JSRP1: variants seen among roughly 807,000 people sequenced by gnomAD.
JSRP1 encodes 2310032K21Rik.
JSRP1 carries 29 observed loss-of-function variants against 21.4 expected under a neutral mutation model. That is an observed-to-expected ratio of 1.36 (90% confidence interval 1.01 to 1.85). The LOEUF (loss-of-function observed/expected upper bound fraction) is 1.85. Ranked by LOEUF, JSRP1 falls within the 40% of genes most tolerant of loss-of-function variation. The pLI is 0.00. For missense variants in JSRP1, 531 were observed against 461.5 expected, an observed-to-expected ratio of 1.15 and a Z score of -1.38; for synonymous variants, 221 against 206.1, an observed-to-expected ratio of 1.07 and a Z score of -0.62.
chr19:2,254,056 C>T, intron 4 of JSRP1, 131 bp downstream of exon 4: 1 of 770,324 alleles, frequency 1.3e-6, no homozygotes, highest in Non-Finnish European at 2.1e-6. Flanking sequence ...CGTTGACTCG[C>T]TGCCTGCCAC....
chr19:2,254,049 T>G lies in JSRP1; in HGVS notation c.262+138A>C, dbSNP rs1356594743. 9 of 753,204 alleles carry G rather than the reference T, an allele frequency of 1.2e-5. No homozygotes were observed. In the East Asian group the frequency reaches 2.3e-4, roughly 20 times the overall value. 46.7% of individuals were successfully genotyped at this position (753,204 alleles called of 1,614,324 possible). A position where few individuals can be genotyped will look rare whatever the true frequency, so the allele number is the denominator to read the frequency against. ...GCATTAGTAGAGGCTCCCTGCCCGT[T>G]GACTCGCTGCCTGCCACACTTCGAC... On this transcript the variant is annotated intron_variant, in intron 4 of 6. Coordinates refer to ENST00000300961, the MANE Select transcript of JSRP1 (RefSeq NM_144616.4).
Position 2,252,558 on chromosome 19 carries a change from G to A in JSRP1, c.767C>T (p.Pro256Leu), listed in dbSNP as rs147828162. 3.1e-6 allele frequency: 5 copies of A among 1,612,814 alleles called. No individual in the cohort carries two copies. The highest frequency in any genetic ancestry group is 4.5e-5 in the East Asian group (2 of 44,860). Residue 256 changes from proline (P) to leucine (L), a missense_variant, in exon 7 of 7, where the codon CCT becomes CTT. Physicochemically the swap from Pro to Leu is moderately conservative, Grantham distance 98. Transcript: ENST00000300961. ...RKEKPRKEERPKKERPRKEER... is the reference protein window; with the variant it reads ...RKEKPRKEERLKKERPRKEER... ...CTCTTTCCGCGGCCTCTCTTTCTTA[G>A]GTCTCTCCTCCTTCCGCGGCTTCTC...
rs768220638 is a variant in JSRP1, at chr19:2,254,216, G to C, written c.233C>G (p.Thr78Arg). ...TCCGGCTTTCAGCCTCTCCTTCCCC[G>C]TTCCTGGGGTCCCCCTGGCGGCAGG... The part of the protein sequence containing the change: ...KEPAARGTPG[T>R]GKERLKAGAS... Residue 78 changes from threonine to arginine, a missense_variant, in exon 4 of 7, where the codon ACG (threonine) becomes AGG (arginine). Transcript: ENST00000300961. 2.5e-6 allele frequency: 4 copies of C among 1,606,192 alleles called. No homozygotes were observed. The African/African-American group carries it at 5.4e-5, about 22-fold the overall frequency.
rs2025075580 is a variant in JSRP1, at chr19:2,252,662, C to T, written c.663G>A (p.Glu221=). 1 of 1,612,150 alleles carries T rather than the reference C, an allele frequency of 6.2e-7. No individual in the cohort carries two copies. Among genetic ancestry groups the T allele is most frequent in the Admixed American group, 1.7e-5 (1 of 60,012 alleles). Residue 221 remains glutamate (E), a synonymous_variant, in exon 7 of 7, where the codon GAG becomes GAA. Coordinates refer to ENST00000300961, the MANE Select transcript of JSRP1 (RefSeq NM_144616.4). ...GGGTCACACGGTCCTCCCGGACGGC[C>T]TCTCCGGTGGCCTCGCCGGGCTCCT... ...DEEEPGEATG[E]AVREDRVTLA...
chr19:2,254,338 C>T (rs752830193), intron 3 of JSRP1, 37 bp from the exon 4 acceptor site: 2 of 1,595,226 alleles, frequency 1.3e-6, no homozygotes, highest in African/African-American at 2.7e-5. Flanking sequence ...TGTTTCCTTC[C>T]AGTGCCAAAC....
At chr19:2,254,614 C>A in intron 2 of JSRP1, 132 bp from the exon 3 acceptor site, 1 of 940,442 alleles carries the variant, frequency 1.1e-6, no homozygotes. Flanking sequence ...GAGGCCAGCA[C>A]AGTGGTTCAC....
Position 2,256,402 on chromosome 19 carries a change from G to C in JSRP1, c.-50C>G, listed in dbSNP as rs1045745661. On this transcript the variant is annotated 5_prime_UTR_variant, in exon 1 of 7. Transcript: ENST00000300961. ...GCTTACCCGCCAGCCGCTTTGCTGA[G>C]CCTTGTGGACAGGACGGAGGATGGG... is the stretch of plus-strand genomic sequence containing the variant. The C allele has an allele frequency of 6.6e-6, 1 of 152,432 alleles. No individual in the cohort carries two copies. The highest frequency in any genetic ancestry group is 1.5e-5 in the Non-Finnish European group (1 of 68,174). The allele number at this position is 152,432 out of a possible 1,614,324, so 9.4% of individuals were successfully genotyped here. A position where few individuals can be genotyped will look rare whatever the true frequency, so the allele number is the denominator to read the frequency against.
rs1204201215 is a variant in JSRP1 at position 2,253,798 on chromosome 19, G to C, written c.263-5C>G. On this transcript the variant is annotated splice_region_variant and splice_polypyrimidine_tract_variant and intron_variant, in intron 4 of 6. Coordinates refer to ENST00000300961, the MANE Select transcript of JSRP1 (RefSeq NM_144616.4). The stretch of plus-strand genomic sequence containing the variant: ...GCGCGGGGACGCTCCGAGGGCCTGC[G>C]GGGGCAAGTGCGCGCTGCGCTGTGG... The C allele has an allele frequency of 3.4e-5, 47 of 1,383,424 alleles. No homozygotes were observed. Among genetic ancestry groups the C allele is most frequent in the Non-Finnish European group, 4.1e-5 (44 of 1,080,378 alleles). 85.7% of individuals were successfully genotyped at this position (1,383,424 alleles called of 1,614,324 possible). A position where few individuals can be genotyped will look rare whatever the true frequency, so the allele number is the denominator to read the frequency against.
rs1403991688 is a variant in JSRP1 at position 2,252,685 on chromosome 19, C to T, written c.640G>A (p.Glu214Lys). Residue 214 changes from glutamate (E) to lysine (K), a missense_variant, in exon 7 of 7, where the codon GAG becomes AAG. Coordinates refer to ENST00000300961, the MANE Select transcript of JSRP1 (RefSeq NM_144616.4). ...GCCTCTCCGGTGGCCTCGCCGGGCT[C>T]CTCTTCGTCGTTCTCTGCAGCCTCC... ...SREAAENDEE[E>K]PGEATGEAVR... 6.2e-7 allele frequency: 1 copy of T among 1,612,246 alleles called. No homozygotes were observed. The highest frequency in any genetic ancestry group is 1.7e-5 in the Admixed American group (1 of 60,016).
Position 2,254,224 on chromosome 19 carries a change from G to A in JSRP1, c.225C>T (p.Thr75=). Residue 75 remains threonine (T), a synonymous_variant, in exon 4 of 7, where the codon ACC becomes ACT. Transcript: ENST00000300961. ...TCAGCCTCTCCTTCCCCGTTCCTGGGGTCCCCCTGGCGGCAGGCTCTTTTT... is the reference window on the plus strand; with the variant it reads ...TCAGCCTCTCCTTCCCCGTTCCTGGAGTCCCCCTGGCGGCAGGCTCTTTTT... ...KMEKEPAARG[T]PGTGKERLKA... is the part of the protein sequence containing the mutation. 6.2e-7 allele frequency: 1 copy of A among 1,606,400 alleles called. No individual in the cohort carries two copies. The highest frequency in any genetic ancestry group is 8.5e-7 in the Non-Finnish European group (1 of 1,176,626).
At chr19:2,255,858 G>C (rs1371706704) in intron 1 of JSRP1, among the ~76,000 whole-genome samples, 1 of 152,172 alleles carries the variant, frequency 6.6e-6, no homozygotes, top group East Asian at 1.9e-4. Context: ...GCGTGACCCT[G>C]TGAGTCTACA....
chr19:2,255,540 GA>G (rs563386193), intron 1 of JSRP1, among the ~76,000 whole-genome samples, 196 bp from the exon 2 acceptor site: 15 of 152,320 alleles, frequency 9.8e-5, no homozygotes, highest in African/African-American at 3.6e-4. Context: ...CCTGCCCTGG[GA>G]CCCCTCCCTA....
At chr19:2,252,880 A>G (rs1568396530) in intron 6 of JSRP1, 32 bp downstream of exon 6, 1 of 1,601,680 alleles carries the variant, frequency 6.2e-7, no homozygotes, top group Non-Finnish European at 8.5e-7. Context: ...TGAAGGTCCC[A>G]ATGCCCGCGG....
chr19:2,254,122 G>C, intron 4 of JSRP1, 65 bp downstream of exon 4: 4 of 1,266,084 alleles, frequency 3.2e-6, no homozygotes, highest in Non-Finnish European at 4.4e-6. Flanking sequence ...ACCCAGCTCC[G>C]GCACCTGAGC....
At position 2,253,600 on chromosome 19, in the gene JSRP1, T is replaced by C; in HGVS notation, c.436+20A>G. On this transcript the variant is annotated intron_variant, in intron 5 of 6. Coordinates refer to ENST00000300961, the MANE Select transcript of JSRP1 (RefSeq NM_144616.4). ...AGGTGGACCCCAGCCTCGCCCCACC[T>C]CTGGGGAGCCTGCGCTCACCGCGGC... The C allele has an allele frequency of 6.9e-7, 1 of 1,441,594 alleles. No homozygotes were observed. The highest frequency in any genetic ancestry group is 9.1e-7 in the Non-Finnish European group (1 of 1,103,480). The allele number at this position is 1,441,594 out of a possible 1,614,324, so 89.3% of individuals were successfully genotyped here.
intron 5 of JSRP1, among the ~76,000 whole-genome samples, chr19:2,253,322 C>T (rs1336609571): frequency 6.6e-6 from 1 of 152,216 alleles, no homozygotes; most frequent in African/African-American, 2.4e-5. Context: ...AGAGAGGGCG[C>T]AGGGGAAAGG....
At position 2,252,351 on chromosome 19, in the gene JSRP1, C is replaced by T. The variant is rs761697979; in HGVS notation, c.974G>A (p.Arg325His). The change falls in exon 7 of 7, where the codon CGC (arginine) becomes CAC (histidine). Residue 325 changes from arginine (R) to histidine (H), a missense_variant. By Grantham distance (29) the Arg-to-His change is conservative. Transcript: ENST00000300961. ...EQRPGSRQKLRAGKGRD is the reference protein window; with the variant it reads ...EQRPGSRQKLHAGKGRD ...GGCTCAGTCCCGCCCCTTGCCTGCG[C>T]GGAGCTTCTGGCGACTCCCAGGCCG... is the stretch of plus-strand genomic sequence containing the variant. 6.5e-7 allele frequency: 1 copy of T among 1,535,322 alleles called. No homozygotes were observed. The highest frequency in any genetic ancestry group is 8.7e-7 in the Non-Finnish European group (1 of 1,144,924).
rs1384405260 is a variant in JSRP1, at chr19:2,253,748, G to C, written c.308C>G (p.Pro103Arg). 1.4e-6 allele frequency: 2 copies of C among 1,479,364 alleles called. No homozygotes were observed. Among genetic ancestry groups the C allele is most frequent in the Non-Finnish European group, 1.8e-6 (2 of 1,124,158 alleles). The allele number at this position is 1,479,364 out of a possible 1,614,324, so 91.6% of individuals were successfully genotyped here. Residue 103 changes from proline to arginine, a missense_variant, in exon 5 of 7, where the codon CCC (proline) becomes CGC (arginine). Pro to Arg is a moderately radical substitution (Grantham distance 103). Transcript: ENST00000300961. ...CGGGGGCGGCGGCGGCGGCTGCAGG[G>C]GCGGCGCGGTCTGCGCCTTCTTGCG... ...PARKKAQTAP[P>R]LQPPPPPPAL...
chr19:2,255,714 G>A (rs1193008885), intron 1 of JSRP1, among the ~76,000 whole-genome samples: 1 of 152,184 alleles, frequency 6.6e-6, no homozygotes, highest in African/African-American at 2.4e-5. Context: ...TCTGAGACCA[G>A]GGACTATTTT....
Sources: gnomAD v4.1 joint callset for allele counts (sites outside exome capture counted in the v4.1 genomes callset) on GRCh38, gnomAD v4.1.1 for gene constraint, MANE v1.5 for transcripts, NCBI Gene and HGNC (gene_info 2026-07-23, HGNC 2026-07-21) for gene names.